CCNY: variants seen among roughly 807,000 people sequenced by gnomAD.
CCNY encodes cyclin Y.
A neutral mutation model predicts 42.8 loss-of-function variants in CCNY; 19 were observed. The observed-to-expected ratio is 0.44, with a 90% CI of 0.31 to 0.65. CCNY has a LOEUF of 0.65. Among genes scored for constraint, CCNY ranks in the 30% least tolerant of loss-of-function variants. CCNY has a pLI of 0.07. For missense variants in CCNY, 370 were observed against 437.3 expected (o/e 0.85, Z 1.37); for synonymous variants, 165 against 162.7 (o/e 1.01, Z -0.11).
At chr10:35,307,754 GTA>G (rs1161599719) in intron 3 of CCNY, among the ~76,000 whole-genome samples, 68 of 123,502 alleles carry the variant, frequency 5.5e-4, no homozygotes, top group African/African-American at 6.6e-4. Flanking sequence ...ATATTGATGT[GTA>G]TATATGTGTG....
At chr10:35,548,789 C>T (rs780403870) in intron 7 of CCNY, among the ~76,000 whole-genome samples, 10 of 151,294 alleles carry the variant, frequency 6.6e-5, no homozygotes, top group Non-Finnish European at 7.4e-5. Flanking sequence ...TAACTGTTAC[C>T]GAAAAAATCT....
chr10:35,505,462 C>T (rs1302781358), intron 3 of CCNY, among the ~76,000 whole-genome samples: 1 of 151,418 alleles, frequency 6.6e-6, no homozygotes, highest in African/African-American at 2.4e-5. Context: ...GTTGAGGAAA[C>T]TTTGTGAGGA....
intron 3 of CCNY, among the ~76,000 whole-genome samples, chr10:35,253,406 T>G (rs961493968): frequency 5.4e-5 from 8 of 148,252 alleles, no homozygotes; most frequent in Non-Finnish European, 1.0e-4. Flanking sequence ...TGCACCAGCA[T>G]GCTCACTATT....
intron 7 of CCNY, among the ~76,000 whole-genome samples, chr10:35,549,082 G>A (rs993607239): frequency 1.7e-4 from 26 of 150,424 alleles, no homozygotes; most frequent in African/African-American, 6.2e-4. Flanking sequence ...TGCCAACTCC[G>A]TGCCCCTCAC....
At chr10:35,476,350 C>G (rs951639699) in intron 1 of CCNY, among the ~76,000 whole-genome samples, 5 of 152,004 alleles carry the variant, frequency 3.3e-5, no homozygotes, top group African/African-American at 9.7e-5. Flanking sequence ...CAGCACCACA[C>G]CACACCTATT....
intron 1 of CCNY, among the ~76,000 whole-genome samples, chr10:35,354,674 A>G (rs1836505064): frequency 1.3e-5 from 2 of 152,196 alleles, no homozygotes; most frequent in Admixed American, 1.3e-4. Context: ...ATTGTGTTTA[A>G]CAGAAGTTCA....
intron 3 of CCNY, among the ~76,000 whole-genome samples, chr10:35,511,710 A>G (rs987808789): frequency 2.0e-5 from 3 of 152,234 alleles, no homozygotes; most frequent in Non-Finnish European, 4.4e-5. Flanking sequence ...TGTGAGCTCT[A>G]AGTGAATACA....
intron 3 of CCNY, among the ~76,000 whole-genome samples, chr10:35,319,840 C>T (rs1381352601): frequency 6.6e-6 from 1 of 152,080 alleles, no homozygotes; most frequent in Non-Finnish European, 1.5e-5. Flanking sequence ...ATCCCAGCTA[C>T]TTGGGAGGTT....
intron 1 of CCNY, among the ~76,000 whole-genome samples, chr10:35,351,471 C>T (rs1836428590): frequency 6.6e-6 from 1 of 152,184 alleles, no homozygotes; most frequent in South Asian, 2.1e-4. Flanking sequence ...TAGGAGGTCT[C>T]TCAGGGAAGG....
At chr10:35,426,850 A>C (rs1204448202) in intron 1 of CCNY, among the ~76,000 whole-genome samples, 1 of 152,216 alleles carries the variant, frequency 6.6e-6, no homozygotes, top group Non-Finnish European at 1.5e-5. Flanking sequence ...TTTTGTTCTG[A>C]GGAAGGAGTG....
chr10:35,549,500 C>A (rs981679833), intron 7 of CCNY, among the ~76,000 whole-genome samples: 1 of 150,000 alleles, frequency 6.7e-6, no homozygotes, highest in East Asian at 2.0e-4. Flanking sequence ...GGCCCATGAC[C>A]CTACAGTGCT....
intron 1 of CCNY, among the ~76,000 whole-genome samples, chr10:35,467,893 G>A (rs1485763653): frequency 6.6e-6 from 1 of 152,174 alleles, no homozygotes; most frequent in Non-Finnish European, 1.5e-5. Context: ...GCCTAACTCT[G>A]TTCTCTGTGC....
intron 1 of CCNY, among the ~76,000 whole-genome samples, chr10:35,453,945 C>G (rs1487217324): frequency 6.6e-6 from 1 of 152,186 alleles, no homozygotes; most frequent in Non-Finnish European, 1.5e-5. Context: ...TCTGAACTTT[C>G]TGTTTCATTC....
chr10:35,361,753 C>T (rs939819517), intron 1 of CCNY, among the ~76,000 whole-genome samples: 2 of 152,148 alleles, frequency 1.3e-5, no homozygotes, highest in African/African-American at 4.8e-5. Context: ...AAGACATGGC[C>T]TCTGATTTGT....
intron 1 of CCNY, among the ~76,000 whole-genome samples, chr10:35,413,544 A>G (rs891900448): frequency 6.6e-6 from 1 of 152,168 alleles, no homozygotes; most frequent in Non-Finnish European, 1.5e-5. Context: ...GAAATTGCAG[A>G]GTCAGACTGT....
intron 7 of CCNY, among the ~76,000 whole-genome samples, chr10:35,531,986 A>G (rs1446670185): frequency 1.3e-5 from 2 of 152,172 alleles, no homozygotes. Context: ...TCTTGTGAAT[A>G]ATTGTAACTA....
rs1288846122 is a variant in CCNY at position 35,478,260 on chromosome 10, C to A, written c.155-5144C>A. On this transcript the variant is annotated intron_variant, in intron 1 of 9. Transcript: ENST00000374704. ...TGCCATCCCCATCAAGCTACCAATG[C>A]CTTTCTTCACAGAATTGGAAAAAAC... Among the ~76,000 whole-genome samples the A allele has an allele frequency of 2.5e-3, 373 of 149,294 alleles. 1 individual carries two copies. Among genetic ancestry groups the A allele is most frequent in the South Asian group, 7.2e-3 (33 of 4,606 alleles).
At chr10:35,382,090 A>G (rs932533503) in intron 1 of CCNY, among the ~76,000 whole-genome samples, 5 of 152,120 alleles carry the variant, frequency 3.3e-5, no homozygotes, top group Non-Finnish European at 5.9e-5. Context: ...CTGGGTGTCT[A>G]ATGTGTTAGA....
chr10:35,337,046 C>T lies in CCNY; in HGVS notation c.-8C>T. On this transcript the variant is annotated 5_prime_UTR_variant, in exon 1 of 10. Coordinates refer to ENST00000374704, the MANE Select transcript of CCNY (RefSeq NM_145012.6). ...AGGATAGCAGCAGGAGTCGGGGGGC[C>T]GCCGAAGATGGGGAACACTACCTCG... 2 of 1,555,574 alleles carry T rather than the reference C, an allele frequency of 1.3e-6. No homozygotes were observed. Among genetic ancestry groups the T allele is most frequent in the Non-Finnish European group, 1.7e-6 (2 of 1,150,608 alleles).
Sources: allele counts gnomAD v4.1 joint callset (sites outside exome capture counted in the v4.1 genomes callset), GRCh38; gene constraint gnomAD v4.1.1; transcripts MANE v1.5; gene names NCBI Gene and HGNC (gene_info 2026-07-23, HGNC 2026-07-21).